The following STK17B variants were observed in gnomAD, a reference collection of about 807,000 sequenced individuals.
The protein encoded by STK17B is serine/threonine kinase 17b.
In STK17B, 21 loss-of-function variants were observed where a neutral mutation model predicts 42.0. The observed-to-expected ratio is 0.50, with a 90% CI of 0.35 to 0.72. The LOEUF (loss-of-function observed/expected upper bound fraction) is 0.72, where lower values mean the gene tolerates loss of function less well. Among genes scored for constraint, STK17B ranks in the 30% least tolerant of loss-of-function variants. The probability of loss-of-function intolerance (pLI) is 0.00; values close to 1 mark genes in which losing one functional copy is unlikely to be tolerated. For synonymous variants in STK17B, 143 were observed against 148.4 expected (o/e 0.96, Z 0.26); for missense variants, 349 against 446.0 (o/e 0.78, Z 1.96).
At chr2:196,163,082 C>T (rs905980649) in intron 2 of STK17B, among the ~76,000 whole-genome samples, 180 bp downstream of exon 2, 2 of 152,028 alleles carry the variant, frequency 1.3e-5, no homozygotes, top group African/African-American at 4.8e-5. Context: ...GTTCACTAAA[C>T]CCTCCACAGA....
At chr2:196,168,764 T>A (rs1345085174) in intron 1 of STK17B, among the ~76,000 whole-genome samples, 1 of 152,196 alleles carries the variant, frequency 6.6e-6, no homozygotes, top group African/African-American at 2.4e-5. Flanking sequence ...CATATTTAAA[T>A]AAAAATACAT....
intron 3 of STK17B, among the ~76,000 whole-genome samples, chr2:196,149,205 C>T (rs533902745): frequency 5.7e-4 from 86 of 151,654 alleles, no homozygotes; most frequent in Non-Finnish European, 9.9e-4. Flanking sequence ...GCTCTGTCGC[C>T]CAGGCTGGAG....
At position 196,144,175 on chromosome 2, in the gene STK17B, T is replaced by TA. The variant is rs1193241070; in HGVS notation, c.481-490dup. Among the ~76,000 whole-genome samples, 15 of 116,982 alleles carry TA rather than the reference T, an allele frequency of 1.3e-4. No individual in the cohort carries two copies. The South Asian group carries it at 1.5e-3, about 12-fold the overall frequency. The allele number at this position is 116,982 out of a possible 152,430, so 76.7% of individuals were successfully genotyped here. A position where few individuals can be genotyped will look rare whatever the true frequency, so the allele number is the denominator to read the frequency against. ...CAACATAGTGAGACCCTCTCTTAAA[T>TA]AAAAAAAAAATTAAAAAATTAAAAA... On this transcript the variant is annotated intron_variant, in intron 4 of 7. Coordinates refer to ENST00000263955, the MANE Select transcript of STK17B (RefSeq NM_004226.4).
intron 3 of STK17B, among the ~76,000 whole-genome samples, chr2:196,146,615 C>T (rs987716269): frequency 6.6e-6 from 1 of 152,116 alleles, no homozygotes; most frequent in African/African-American, 2.4e-5. Context: ...AATGTTGCAG[C>T]CTGCCTTCAC....
At chr2:196,137,800 T>C in intron 7 of STK17B, 71 bp from the exon 8 acceptor site, 5 of 1,494,426 alleles carry the variant, frequency 3.3e-6, no homozygotes, top group Non-Finnish European at 2.7e-6. Flanking sequence ...GTTTGATAGA[T>C]TATAGACATA....
At chr2:196,159,673 T>C (rs537639340) in intron 2 of STK17B, among the ~76,000 whole-genome samples, 1 of 152,288 alleles carries the variant, frequency 6.6e-6, no homozygotes, top group South Asian at 2.1e-4. Context: ...GACCAAATGA[T>C]GTGGATAATG....
At chr2:196,157,488 C>A (rs1699755092) in intron 2 of STK17B, among the ~76,000 whole-genome samples, 1 of 152,154 alleles carries the variant, frequency 6.6e-6, no homozygotes, top group Non-Finnish European at 1.5e-5. Context: ...CCTTTCAACA[C>A]AATTTTTACC....
intron 5 of STK17B, among the ~76,000 whole-genome samples, chr2:196,142,829 G>GT (rs1456748351): frequency 6.6e-6 from 1 of 152,116 alleles, no homozygotes; most frequent in East Asian, 1.9e-4. Flanking sequence ...CTGTTTAACT[G>GT]TATCTTTTCA....
chr2:196,142,254 C>T (rs1298448106), intron 5 of STK17B, among the ~76,000 whole-genome samples: 1 of 152,118 alleles, frequency 6.6e-6, no homozygotes, highest in Non-Finnish European at 1.5e-5. Context: ...GATGGGGTTT[C>T]ACCATGTTGG....
upstream of STK17B, among the ~76,000 whole-genome samples, chr2:196,173,084 A>G (rs1161259144): frequency 6.6e-6 from 1 of 151,696 alleles, no homozygotes; most frequent in Non-Finnish European, 1.5e-5. Flanking sequence ...CTCACCCCAT[A>G]CTCCCCGTCA....
intron 3 of STK17B, among the ~76,000 whole-genome samples, chr2:196,150,179 T>TAAAAAAAA (rs143244008): frequency 8.3e-4 from 94 of 113,414 alleles, no homozygotes; most frequent in African/African-American, 1.0e-3. Context: ...GAGCAGTGAC[T>TAAAAAAAA]AAAAAAAAAA....
chr2:196,138,997 T>C (rs1699451302), intron 7 of STK17B, among the ~76,000 whole-genome samples: 1 of 152,026 alleles, frequency 6.6e-6, no homozygotes, highest in African/African-American at 2.4e-5. Context: ...GACGGAGTCT[T>C]GCTCTGTCAT....
chr2:196,140,005 C>T (rs574650393), intron 6 of STK17B, among the ~76,000 whole-genome samples: 1 of 152,110 alleles, frequency 6.6e-6, no homozygotes, highest in East Asian at 1.9e-4. Context: ...AGGGAATGCA[C>T]GTGTTATATA....
At chr2:196,150,547 T>A (rs1179963664) in intron 3 of STK17B, among the ~76,000 whole-genome samples, 1 of 152,190 alleles carries the variant, frequency 6.6e-6, no homozygotes, top group Non-Finnish European at 1.5e-5. Flanking sequence ...ATAAAGTTAA[T>A]ACATGAAAGA....
upstream of STK17B, among the ~76,000 whole-genome samples, chr2:196,174,583 G>A (rs1246564305): frequency 2.0e-5 from 3 of 152,176 alleles, no homozygotes; most frequent in African/African-American, 7.2e-5. Context: ...GTAGCCAGAC[G>A]CAGGCAAGGC....
chr2:196,170,944 G>C (rs2105719848), intron 1 of STK17B: 1 of 152,382 alleles, frequency 6.6e-6, no homozygotes, highest in Admixed American at 6.5e-5. Context: ...GCGTGGCCTT[G>C]CTGTGGAAGG....
intron 3 of STK17B, chr2:196,151,648 T>A (rs1054685226): frequency 6.6e-6 from 1 of 152,212 alleles, no homozygotes; most frequent in Non-Finnish European, 1.5e-5. Flanking sequence ...ATTTTTAATA[T>A]GTATAGCTAT....
At chr2:196,155,237 T>G (rs1304333493) in intron 3 of STK17B, among the ~76,000 whole-genome samples, 1 of 152,188 alleles carries the variant, frequency 6.6e-6, no homozygotes, top group Non-Finnish European at 1.5e-5. Context: ...CAAAAATAAT[T>G]ACAAAATATA....
At chr2:196,170,898 C>A (rs1183069715) in intron 1 of STK17B, 1 of 152,364 alleles carries the variant, frequency 6.6e-6, no homozygotes, top group East Asian at 1.9e-4. Context: ...AACGCGCCCA[C>A]GCCGCAGCTG....
Sources: gnomAD v4.1 joint callset for allele counts (sites outside exome capture counted in the v4.1 genomes callset) on GRCh38, gnomAD v4.1.1 for gene constraint, MANE v1.5 for transcripts, NCBI Gene and HGNC (gene_info 2026-07-23, HGNC 2026-07-21) for gene names.